Variants in CLVS1 observed in about 807,000 individuals in gnomAD.
The protein encoded by CLVS1 is clavesin-1.
A neutral mutation model predicts 33.1 loss-of-function variants in CLVS1; 10 were observed. That is an observed-to-expected ratio of 0.30 (90% confidence interval 0.19 to 0.51). The LOEUF is 0.51. Ranked by LOEUF, CLVS1 falls within the 20% of genes least tolerant of loss-of-function variation. The probability of loss-of-function intolerance (pLI) is 0.97; values close to 1 mark genes in which losing one functional copy is unlikely to be tolerated. For synonymous variants in CLVS1, 163 were observed against 166.1 expected, an observed-to-expected ratio of 0.98 and a Z score of 0.14; for missense variants, 343 against 433.4, an observed-to-expected ratio of 0.79 and a Z score of 1.85.
At chr8:61,207,872 T>A (rs1200093043) in intron 2 of CLVS1, among the ~76,000 whole-genome samples, 4 of 152,230 alleles carry the variant, frequency 2.6e-5, no homozygotes, top group African/African-American at 9.6e-5. Context: ...TCACTCAGGC[T>A]TCTCAGGCAG....
At chr8:61,390,721 C>T (rs1814268857) in intron 3 of CLVS1, among the ~76,000 whole-genome samples, 1 of 151,702 alleles carries the variant, frequency 6.6e-6, no homozygotes, top group South Asian at 2.1e-4. Flanking sequence ...TGTACTTTAG[C>T]CATTTTTGAT....
intron 1 of CLVS1, among the ~76,000 whole-genome samples, chr8:61,059,823 T>G (rs1264281795): frequency 6.7e-6 from 1 of 149,042 alleles, no homozygotes; most frequent in African/African-American, 2.5e-5. Flanking sequence ...AAAAAAAAAA[T>G]AGTGAACGTA....
intron 2 of CLVS1, among the ~76,000 whole-genome samples, chr8:61,310,507 C>T (rs1810793279): frequency 6.6e-6 from 1 of 152,194 alleles, no homozygotes; most frequent in African/African-American, 2.4e-5. Flanking sequence ...CAAAATCAGA[C>T]ATTAACGACA....
intron 2 of CLVS1, among the ~76,000 whole-genome samples, chr8:61,248,252 T>A (rs1468111312): frequency 6.6e-6 from 1 of 152,202 alleles, no homozygotes; most frequent in Non-Finnish European, 1.5e-5. Flanking sequence ...TGCATAGGAT[T>A]GCCTTGGTTA....
Position 61,244,513 on chromosome 8 carries a change from C to T in CLVS1, c.-151-55164C>T, listed in dbSNP as rs144853338. On this transcript the variant is annotated intron_variant, in intron 2 of 2. Transcript: ENST00000522621. ...AGTCAAGTTTTAATGTTGTTCAGTT[C>T]TTCTGTAGCTGTACTAATATTTTGC... Among the ~76,000 whole-genome samples, 687 of 152,170 alleles carry T rather than the reference C, an allele frequency of 4.5e-3. 1 individual carries two copies. Among genetic ancestry groups the T allele is most frequent in the Admixed American group, 8.8e-3 (134 of 15,290 alleles).
intron 2 of CLVS1, among the ~76,000 whole-genome samples, chr8:61,185,545 G>A (rs1043561678): frequency 6.6e-6 from 1 of 152,050 alleles, no homozygotes; most frequent in Non-Finnish European, 1.5e-5. Flanking sequence ...ATGTTAGCTT[G>A]TAGCTATATC....
At chr8:61,055,685 G>T (rs1204262748), upstream of CLVS1, among the ~76,000 whole-genome samples, 1 of 152,176 alleles carries the variant, frequency 6.6e-6, no homozygotes, top group African/African-American at 2.4e-5. Context: ...GAGTGGTTTT[G>T]TTCTTCTGGC....
intron 5 of CLVS1, among the ~76,000 whole-genome samples, chr8:61,491,235 C>A (rs4738897): frequency 0.54 from 81,838 of 152,024 alleles, 26,172 homozygotes; most frequent in Non-Finnish European, 0.71. Context: ...TAGTAGTATG[C>A]ACAGAAACTT....
At chr8:61,068,926 G>A (rs973966756) in intron 1 of CLVS1, among the ~76,000 whole-genome samples, 3 of 152,122 alleles carry the variant, frequency 2.0e-5, no homozygotes, top group African/African-American at 7.2e-5. Flanking sequence ...CTGAGACTCT[G>A]TCTTGCATTT....
At chr8:61,367,033 C>A (rs765813977) in intron 2 of CLVS1, among the ~76,000 whole-genome samples, 9 of 152,186 alleles carry the variant, frequency 5.9e-5, no homozygotes, top group Non-Finnish European at 1.3e-4. Context: ...TCTCTTCACA[C>A]CCATATCTAA....
the CLVS1 span, among the ~76,000 whole-genome samples, chr8:61,015,472 C>T: frequency 6.6e-6 from 1 of 152,184 alleles, no homozygotes; most frequent in Non-Finnish European, 1.5e-5. Context: ...GTGACTTGCA[C>T]AGTGTGTAGT....
intron 3 of CLVS1, among the ~76,000 whole-genome samples, chr8:61,443,774 A>G (rs913493466): frequency 6.6e-6 from 1 of 152,206 alleles, no homozygotes; most frequent in Admixed American, 6.5e-5. Flanking sequence ...ATCTGCAAAA[A>G]TAAAATTCTT....
At chr8:61,332,773 C>G (rs1439544017) in intron 2 of CLVS1, among the ~76,000 whole-genome samples, 1 of 152,098 alleles carries the variant, frequency 6.6e-6, no homozygotes, top group Non-Finnish European at 1.5e-5. Context: ...GAGTGAGTAA[C>G]TGGGATTACA....
chr8:61,329,487 A>G (rs1026195199), intron 2 of CLVS1, among the ~76,000 whole-genome samples: 2 of 152,210 alleles, frequency 1.3e-5, no homozygotes, highest in African/African-American at 4.8e-5. Flanking sequence ...AATCAGTTGG[A>G]CATTTCAAAA....
chr8:61,395,330 G>T (rs1317362875), intron 3 of CLVS1, among the ~76,000 whole-genome samples: 1 of 152,200 alleles, frequency 6.6e-6, no homozygotes, highest in Non-Finnish European at 1.5e-5. Flanking sequence ...AAGGGGAAAG[G>T]TTGACCAAAG....
intron 5 of CLVS1, among the ~76,000 whole-genome samples, chr8:61,463,029 T>A (rs930211922): frequency 1.3e-5 from 2 of 152,224 alleles, no homozygotes; most frequent in African/African-American, 4.8e-5. Context: ...GCCAGCTTCA[T>A]CAATGATCTT....
At chr8:61,416,402 A>T (rs1345531369) in intron 3 of CLVS1, among the ~76,000 whole-genome samples, 1 of 152,204 alleles carries the variant, frequency 6.6e-6, no homozygotes, top group African/African-American at 2.4e-5. Context: ...GGGGAAAATA[A>T]TGAATTTTGT....
At chr8:61,267,584 G>A (rs973590980) in intron 2 of CLVS1, among the ~76,000 whole-genome samples, 10 of 152,072 alleles carry the variant, frequency 6.6e-5, no homozygotes, top group Admixed American at 3.3e-4. Context: ...AGACCCATTC[G>A]TATTTCCCAA....
At chr8:61,270,571 A>G (rs954149145) in intron 2 of CLVS1, among the ~76,000 whole-genome samples, 10 of 152,182 alleles carry the variant, frequency 6.6e-5, no homozygotes, top group African/African-American at 2.2e-4. Flanking sequence ...ATTTATTGGA[A>G]TAGTTTCAGA....
Sources: allele counts gnomAD v4.1 joint callset (sites outside exome capture counted in the v4.1 genomes callset), GRCh38; gene constraint gnomAD v4.1.1; transcripts MANE v1.5; gene names NCBI Gene and HGNC (gene_info 2026-07-23, HGNC 2026-07-21).